RASAL1: variants seen among roughly 807,000 people sequenced by gnomAD.
The protein encoded by RASAL1 is RAS protein activator like 1.
A neutral mutation model predicts 96.6 loss-of-function variants in RASAL1; 72 were observed. The ratio of observed to expected loss-of-function variants is 0.75; its 90% CI spans 0.62 to 0.91. The LOEUF is 0.91. RASAL1 is among the 40% of genes least tolerant of loss of function. The pLI is 0.00. For missense variants in RASAL1, 1,016 were observed against 1,072.5 expected (o/e 0.95, Z 0.74); for synonymous variants, 405 against 430.4 (o/e 0.94, Z 0.73).
chr12:113,130,272 T>G lies in RASAL1; in HGVS notation c.122+613A>C, dbSNP rs540084622. On this transcript the variant is annotated intron_variant, in intron 2 of 20. Transcript: ENST00000548055. This position sits in a 1 kb window ranked among gnomAD's most constrained non-coding sequence, Gnocchi z 5.1. ...CTGACACCCCAAACATCCTCACACC[T>G]TCACATGTGTCCACACCGGTGCCTT... is the stretch of plus-strand genomic sequence containing the variant. Among the ~76,000 whole-genome samples the G allele has an allele frequency of 6.6e-6, 1 of 152,280 alleles. No individual in the cohort carries two copies. The highest frequency in any genetic ancestry group is 2.1e-4 in the South Asian group (1 of 4,826).
chr12:113,131,008 C>T (rs1427304097), intron 1 of RASAL1, 67 bp from the exon 2 acceptor site: 4 of 1,254,620 alleles, frequency 3.2e-6, no homozygotes, highest in Non-Finnish European at 4.6e-6. Flanking sequence ...GGGTCCCAGT[C>T]ATGACACAGG....
chr12:113,119,088 C>G, intron 7 of RASAL1, 40 bp downstream of exon 7: 2 of 1,546,022 alleles, frequency 1.3e-6, no homozygotes, highest in Non-Finnish European at 1.8e-6. Flanking sequence ...CTTGGAGGCA[C>G]TGGGGAGCCA....
chr12:113,127,975 C>T, intron 3 of RASAL1, 90 bp downstream of exon 3: 1 of 1,564,552 alleles, frequency 6.4e-7, no homozygotes, highest in Non-Finnish European at 8.8e-7. Context: ...AGGGCACACC[C>T]TCGTGGGCTG....
At chr12:113,112,313 C>T in intron 12 of RASAL1, 35 bp from the exon 13 acceptor site, 1 of 1,247,860 alleles carries the variant, frequency 8.0e-7, no homozygotes, top group Middle Eastern at 2.1e-4. Context: ...AGCCTCGGGG[C>T]ACAACATCTG....
chr12:113,100,718 G>C, intron 19 of RASAL1, 38 bp from the exon 20 acceptor site: 6 of 1,569,060 alleles, frequency 3.8e-6, no homozygotes, highest in Non-Finnish European at 5.3e-6. Flanking sequence ...TCTGGTCCCT[G>C]ATTCCCATTC....
intron 1 of RASAL1, among the ~76,000 whole-genome samples, chr12:113,132,291 G>A (rs1001398559): frequency 5.9e-5 from 9 of 151,982 alleles, no homozygotes; most frequent in African/African-American, 1.5e-4. Flanking sequence ...TTCTCTATGC[G>A]TTTAGTATTG....
intron 1 of RASAL1, among the ~76,000 whole-genome samples, chr12:113,134,753 G>T (rs2098672427): frequency 1.3e-5 from 2 of 152,160 alleles, no homozygotes; most frequent in East Asian, 3.9e-4. Flanking sequence ...GGGTCCCCCA[G>T]TCCCATTGCA....
At chr12:113,122,460 A>C (rs1951332782) in intron 4 of RASAL1, among the ~76,000 whole-genome samples, 1 of 152,170 alleles carries the variant, frequency 6.6e-6, no homozygotes, top group African/African-American at 2.4e-5. Context: ...AGTAACTTGG[A>C]CTACAGATGT....
intron 12 of RASAL1, among the ~76,000 whole-genome samples, chr12:113,114,473 C>CAA (rs35235298): frequency 1.4e-5 from 2 of 138,804 alleles, no homozygotes; most frequent in African/African-American, 2.6e-5. Flanking sequence ...AACCTTGTCT[C>CAA]AAAAAAAAAA....
intron 12 of RASAL1, among the ~76,000 whole-genome samples, chr12:113,113,980 C>T (rs1310649940): frequency 6.6e-6 from 1 of 152,104 alleles, no homozygotes; most frequent in Admixed American, 6.5e-5. Context: ...TCACTAATGT[C>T]GAGGAGCCCC....
chr12:113,101,849 T>G, intron 19 of RASAL1, 40 bp downstream of exon 19: 2 of 1,596,820 alleles, frequency 1.3e-6, no homozygotes, highest in Non-Finnish European at 1.7e-6. Context: ...CTGGCCTGGC[T>G]GGTCATAGGA....
chr12:113,117,368 A>G (rs1951126719), intron 7 of RASAL1, among the ~76,000 whole-genome samples: 1 of 152,222 alleles, frequency 6.6e-6, no homozygotes, highest in Non-Finnish European at 1.5e-5. Context: ...TACCAGGGAC[A>G]CTTAATTTAC....
chr12:113,121,699 CT>C, intron 4 of RASAL1, 61 bp from the exon 5 acceptor site: 1 of 1,543,896 alleles, frequency 6.5e-7, no homozygotes, highest in Non-Finnish European at 8.8e-7. Context: ...ATTGTGTTAA[CT>C]TAAAAATTCA....
At chr12:113,134,146 G>GA (rs1281978164) in intron 1 of RASAL1, among the ~76,000 whole-genome samples, 1 of 152,166 alleles carries the variant, frequency 6.6e-6, no homozygotes, top group Non-Finnish European at 1.5e-5. Context: ...AAAGAGTCTG[G>GA]TGGGGGGGCT....
At chr12:113,103,493 C>G (rs1950533558) in intron 18 of RASAL1, among the ~76,000 whole-genome samples, 1 of 151,876 alleles carries the variant, frequency 6.6e-6, no homozygotes, top group South Asian at 2.1e-4. Flanking sequence ...ATAAACCCAG[C>G]TAGTCAGGAG....
intron 12 of RASAL1, among the ~76,000 whole-genome samples, 195 bp downstream of exon 12, chr12:113,114,605 T>C (rs1004434929): frequency 3.3e-5 from 5 of 151,930 alleles, no homozygotes; most frequent in Non-Finnish European, 5.9e-5. Flanking sequence ...AGCATCAGAG[T>C]CCTGACCATA....
At position 113,114,866 on chromosome 12, in the gene RASAL1, C is replaced by G; in HGVS notation, c.1115G>C (p.Ser372Thr). 1.2e-6 allele frequency: 2 copies of G among 1,614,190 alleles called. No homozygotes were observed. Among genetic ancestry groups the G allele is most frequent in the African/African-American group, 2.7e-5 (2 of 75,068 alleles). Residue 372 changes from serine to threonine, a missense_variant, in exon 12 of 21, where the codon AGC becomes ACC. Physicochemically the swap from Ser to Thr is moderately conservative, Grantham distance 58 (BLOSUM62 1). Transcript: ENST00000548055. The part of the protein sequence containing the change: ...YLHEVLKPVI[S>T]RVFEEKKYME... ...GTACTTCTTCTCCTCAAAGACACGG[C>G]TAATCACAGGCTTCAGGACCTCGTG... is the stretch of plus-strand genomic sequence containing the variant.
At chr12:113,136,043 C>A (rs1377685185), upstream of RASAL1, 4 of 152,974 alleles carry the variant, frequency 2.6e-5, no homozygotes, top group Admixed American at 2.6e-4. Flanking sequence ...CTCTCCGCCC[C>A]CACCCCTCCT....
chr12:113,116,376 A>G (rs1000211869), intron 8 of RASAL1, among the ~76,000 whole-genome samples: 1 of 151,958 alleles, frequency 6.6e-6, no homozygotes, highest in African/African-American at 2.4e-5. Context: ...AAAAGAAAGA[A>G]GGAAAAGAAA....
Sources: gnomAD v4.1 joint callset for allele counts (sites outside exome capture counted in the v4.1 genomes callset) on GRCh38, gnomAD v4.1.1 for gene constraint, Gnocchi (gnomAD v3.1) non-coding constraint, MANE v1.5 for transcripts, NCBI Gene and HGNC (gene_info 2026-07-23, HGNC 2026-07-21) for gene names.